The following ZHX2 variants were observed in gnomAD, a reference collection of about 807,000 sequenced individuals.
ZHX2 encodes the protein zinc fingers and homeoboxes protein 2.
A neutral mutation model predicts 21.9 loss-of-function variants in ZHX2; 6 were observed. The ratio of observed to expected loss-of-function variants is 0.27; its 90% CI spans 0.15 to 0.54. ZHX2 has a LOEUF of 0.54. ZHX2 is among the 20% of genes least tolerant of loss of function. The probability of loss-of-function intolerance (pLI) is 0.95; values close to 1 mark genes in which losing one functional copy is unlikely to be tolerated. For synonymous variants in ZHX2, 434 were observed against 437.1 expected, an observed-to-expected ratio of 0.99 and a Z score of 0.09; for missense variants, 908 against 1,090.7, an observed-to-expected ratio of 0.83 and a Z score of 2.36.
At chr8:122,900,995 T>C (rs572983514) in intron 2 of ZHX2, among the ~76,000 whole-genome samples, 75 of 152,356 alleles carry the variant, frequency 4.9e-4, no homozygotes, top group African/African-American at 1.6e-3. Context: ...CATGGTAATA[T>C]ATTCTCAGGA....
chr8:122,808,608 A>G (rs1817866739), intron 1 of ZHX2: 1 of 152,258 alleles, frequency 6.6e-6, no homozygotes, highest in Admixed American at 6.5e-5. Context: ...GGGTGGGGAC[A>G]CAGTCAAACC....
At chr8:122,932,488 T>C (rs1821017863) in intron 2 of ZHX2, among the ~76,000 whole-genome samples, 1 of 152,216 alleles carries the variant, frequency 6.6e-6, no homozygotes, top group East Asian at 1.9e-4. Context: ...CACCAATGTC[T>C]GCTTCCATAA....
chr8:122,926,631 G>A (rs777080042), intron 2 of ZHX2, among the ~76,000 whole-genome samples: 6 of 152,236 alleles, frequency 3.9e-5, no homozygotes, highest in East Asian at 3.9e-4. Context: ...TTTCTTCCTC[G>A]TTCGGCTGGT....
chr8:122,942,544 C>T (rs1419408199), intron 2 of ZHX2, among the ~76,000 whole-genome samples: 1 of 152,206 alleles, frequency 6.6e-6, no homozygotes, highest in Admixed American at 6.5e-5. Flanking sequence ...CTGCTGCCCT[C>T]TGGGTAGACC....
intron 2 of ZHX2, among the ~76,000 whole-genome samples, chr8:122,923,446 C>G (rs558515190): frequency 6.6e-6 from 1 of 152,184 alleles, no homozygotes; most frequent in Admixed American, 6.5e-5. Context: ...CTTAAACTGT[C>G]GTAGGTTCTT....
At chr8:122,915,351 C>T (rs1430485688) in intron 2 of ZHX2, among the ~76,000 whole-genome samples, 1 of 152,220 alleles carries the variant, frequency 6.6e-6, no homozygotes, top group African/African-American at 2.4e-5. Context: ...TCCCATCCTG[C>T]AGCTGCTCCC....
rs1488945377 is a variant in ZHX2 at position 122,860,126 on chromosome 8, C to T, written c.-282-3351C>T. The stretch of plus-strand genomic sequence containing the variant: ...GGAAGGGGAAGCAAGGCACCTTCTT[C>T]ACAAGGCAGCAGGAAGGAGACGCAG... On this transcript the variant is annotated intron_variant, in intron 1 of 3. Transcript: ENST00000314393. Among the ~76,000 whole-genome samples, 3 of 152,166 alleles carry T rather than the reference C, an allele frequency of 2.0e-5. No homozygotes were observed. The East Asian group carries it at 5.8e-4, about 29-fold the overall frequency.
chr8:122,945,643 A>G (rs1812956598), intron 2 of ZHX2, among the ~76,000 whole-genome samples: 1 of 152,126 alleles, frequency 6.6e-6, no homozygotes, highest in African/African-American at 2.4e-5. Context: ...TGTAACATGC[A>G]CTTGTCACAC....
chr8:122,910,541 C>A (rs1288153502), intron 2 of ZHX2, among the ~76,000 whole-genome samples: 5 of 152,174 alleles, frequency 3.3e-5, no homozygotes, highest in African/African-American at 9.7e-5. Context: ...AGATGCAGGA[C>A]CCCTGTTCAA....
chr8:122,815,765 A>G (rs1267976575), intron 1 of ZHX2: 2 of 152,264 alleles, frequency 1.3e-5, no homozygotes, highest in Non-Finnish European at 2.9e-5. Flanking sequence ...GAGTCAATCG[A>G]TGCAGCAAAC....
intron 2 of ZHX2, among the ~76,000 whole-genome samples, chr8:122,864,036 C>T (rs1043440060): frequency 6.6e-6 from 1 of 151,870 alleles, no homozygotes; most frequent in Middle Eastern, 3.2e-3. Context: ...GGAAACATTC[C>T]TAACAGAAGA....
intron 1 of ZHX2, among the ~76,000 whole-genome samples, chr8:122,819,392 G>C (rs1484249439): frequency 6.6e-6 from 1 of 152,214 alleles, no homozygotes; most frequent in Non-Finnish European, 1.5e-5. Flanking sequence ...GTTATTCCCA[G>C]CATGCGTGCT....
chr8:122,789,687 G>A (rs1431154690), intron 1 of ZHX2, among the ~76,000 whole-genome samples: 2 of 152,214 alleles, frequency 1.3e-5, no homozygotes, highest in African/African-American at 4.8e-5. Flanking sequence ...ACAGATAGAA[G>A]CTGGAGAAAG....
At chr8:122,914,829 A>G (rs1372911605) in intron 2 of ZHX2, among the ~76,000 whole-genome samples, 1 of 152,048 alleles carries the variant, frequency 6.6e-6, no homozygotes, top group African/African-American at 2.4e-5. Flanking sequence ...TCGTTCCTAG[A>G]GGTTTAAACT....
intron 1 of ZHX2, among the ~76,000 whole-genome samples, chr8:122,816,079 CAAA>C (rs71310626): frequency 8.9e-5 from 8 of 90,268 alleles, no homozygotes; most frequent in Non-Finnish European, 8.5e-5. Flanking sequence ...GACTCCGTCT[CAAA>C]AAAAAAAAAA....
At chr8:122,902,457 A>T (rs935932800) in intron 2 of ZHX2, among the ~76,000 whole-genome samples, 2 of 152,230 alleles carry the variant, frequency 1.3e-5, no homozygotes, top group African/African-American at 4.8e-5. Context: ...GGGGATGGAA[A>T]TAGTACCTAC....
chr8:122,908,699 G>A (rs970798075), intron 2 of ZHX2, among the ~76,000 whole-genome samples: 2 of 152,188 alleles, frequency 1.3e-5, no homozygotes, highest in African/African-American at 4.8e-5. Flanking sequence ...ATCAGAGACA[G>A]GCTCCACAAT....
chr8:122,828,399 G>A lies in ZHX2; in HGVS notation c.-282-35078G>A, dbSNP rs1242549726. ...CACACCAGGAGACTGGAGGGAGGGT[G>A]CATTCTTATGCTGGCTGAGCATAAG... On this transcript the variant is annotated intron_variant, in intron 1 of 3. Coordinates refer to ENST00000314393, the MANE Select transcript of ZHX2 (RefSeq NM_014943.5). This position sits in a 1 kb window ranked among gnomAD's most constrained non-coding sequence, Gnocchi z 5.2. Among the ~76,000 whole-genome samples the A allele has an allele frequency of 6.6e-6, 1 of 152,216 alleles. No individual in the cohort carries two copies. The highest frequency in any genetic ancestry group is 1.5e-5 in the Non-Finnish European group (1 of 68,038).
intron 2 of ZHX2, among the ~76,000 whole-genome samples, chr8:122,910,881 G>A (rs552759449): frequency 2.3e-4 from 35 of 152,310 alleles, no homozygotes; most frequent in African/African-American, 7.0e-4. Context: ...AACAAAAAAC[G>A]ATTAAGAATT....
Sources: allele counts gnomAD v4.1 joint callset (sites outside exome capture counted in the v4.1 genomes callset), GRCh38; gene constraint gnomAD v4.1.1; non-coding constraint Gnocchi (gnomAD v3.1); transcripts MANE v1.5; gene names NCBI Gene and HGNC (gene_info 2026-07-23, HGNC 2026-07-21).